Variants in PIK3R3 observed in about 807,000 individuals in gnomAD.
The protein encoded by PIK3R3 is phosphoinositide-3-kinase regulatory subunit 3.
Under a neutral mutation model 62.9 loss-of-function variants are expected in PIK3R3, and 64 were observed. That is an observed-to-expected ratio of 1.02 (90% CI 0.83 to 1.25). The LOEUF (loss-of-function observed/expected upper bound fraction) is 1.25. Ranked by LOEUF, PIK3R3 falls within the 50% of genes most tolerant of loss-of-function variation. The pLI, the probability that PIK3R3 is intolerant of heterozygous loss-of-function variation, is 0.00. For missense variants in PIK3R3, 614 were observed against 561.6 expected, an observed-to-expected ratio of 1.09 and a Z score of -0.94; for synonymous variants, 165 against 189.0, an observed-to-expected ratio of 0.87 and a Z score of 1.04.
chr1:46,059,816 T>C (rs1053873462), intron 6 of PIK3R3, among the ~76,000 whole-genome samples: 2 of 151,048 alleles, frequency 1.3e-5, no homozygotes, highest in Non-Finnish European at 3.0e-5. Flanking sequence ...AAATTAAAAA[T>C]AGGCTGGGCG....
At chr1:46,062,133 G>T in intron 5 of PIK3R3, 62 bp from the exon 6 acceptor site, 2 of 1,426,356 alleles carry the variant, frequency 1.4e-6, no homozygotes, top group Admixed American at 2.3e-5. Context: ...TTCTAACCTT[G>T]GTCTTAAACA....
At chr1:46,130,924 C>A (rs928942975) in intron 1 of PIK3R3, among the ~76,000 whole-genome samples, 6 of 152,120 alleles carry the variant, frequency 3.9e-5, no homozygotes, top group African/African-American at 1.4e-4. Flanking sequence ...GAAAAAAAAG[C>A]CAACTTTTCC....
intron 1 of PIK3R3, among the ~76,000 whole-genome samples, chr1:46,089,671 C>A (rs1230982810): frequency 6.7e-6 from 1 of 149,214 alleles, no homozygotes; most frequent in South Asian, 2.1e-4. Context: ...GCCGAGATCA[C>A]GCCACTGCAC....
In PIK3R3 at chr1:46,045,794, T is replaced by G. The variant is rs532728149; in HGVS notation, c.1187+124A>C. The G allele has an allele frequency of 2.0e-4, 160 of 804,002 alleles. 1 individual carries two copies. The South Asian group carries it at 2.4e-3, about 12-fold the overall frequency. The allele number at this position is 804,002 out of a possible 1,614,324, so 49.8% of individuals were successfully genotyped here. ...CTGGGTTTTTTTGTACTAATAGTTA[T>G]GGTCCGAGCCATGGGTCCTCGTTAC... On this transcript the variant is annotated intron_variant, in intron 9 of 9. Coordinates refer to ENST00000262741, the MANE Select transcript of PIK3R3 (RefSeq NM_003629.4).
chr1:46,118,554 C>CTT lies in PIK3R3; in HGVS notation c.106+13291_106+13292dup, dbSNP rs1291550266. Among the ~76,000 whole-genome samples, 50 of 132,200 alleles carry CTT rather than the reference C, an allele frequency of 3.8e-4. 1 individual carries two copies. The highest frequency in any genetic ancestry group is 5.3e-4 in the Admixed American group (7 of 13,126). 86.7% of individuals were successfully genotyped at this position (132,200 alleles called of 152,430 possible). ...CCCCACCACCCATACCATTACTTGTCTTTTTTTTTTTTTTTTTTTGAGATG... is the reference window on the plus strand; with the variant it reads ...CCCCACCACCCATACCATTACTTGTCTTTTTTTTTTTTTTTTTTTTTGAGATG... On this transcript the variant is annotated intron_variant, in intron 1 of 9. Coordinates refer to ENST00000262741, the MANE Select transcript of PIK3R3 (RefSeq NM_003629.4).
intron 3 of PIK3R3, among the ~76,000 whole-genome samples, chr1:46,067,524 G>A (rs1390716967): frequency 6.6e-6 from 1 of 151,826 alleles, no homozygotes; most frequent in African/African-American, 2.4e-5. Context: ...TCTCTGTGGG[G>A]GGAGCAGAAG....
At chr1:46,075,354 G>A (rs1649971015) in intron 3 of PIK3R3, among the ~76,000 whole-genome samples, 1 of 152,144 alleles carries the variant, frequency 6.6e-6, no homozygotes. Context: ...AGTGGCTCAC[G>A]CCTGTAATCC....
chr1:46,133,306 C>T (rs1423432973), upstream of PIK3R3, among the ~76,000 whole-genome samples: 2 of 152,222 alleles, frequency 1.3e-5, no homozygotes, highest in African/African-American at 2.4e-5. Context: ...TGGAGACAGG[C>T]GGGGCTCCTG....
rs1647882324 is a variant in PIK3R3 at position 46,056,095 on chromosome 1, G to GT, written c.765-125_765-124insA. 3 of 614,262 alleles carry GT rather than the reference G, an allele frequency of 4.9e-6. No homozygotes were observed. In the African/African-American group the frequency reaches 5.8e-5, roughly 12 times the overall value. 38.1% of individuals were successfully genotyped at this position (614,262 alleles called of 1,614,324 possible). A position where few individuals can be genotyped will look rare whatever the true frequency, so the allele number is the denominator to read the frequency against. ...AGATTGAGTCTCGCTCTGTCACCCA[G>GT]GCTGGAGTGTAGTGGCATGATCTCG... is the stretch of plus-strand genomic sequence containing the variant. On this transcript the variant is annotated intron_variant, in intron 6 of 9. Coordinates refer to ENST00000262741, the MANE Select transcript of PIK3R3 (RefSeq NM_003629.4).
the PIK3R3 span, among the ~76,000 whole-genome samples, chr1:46,155,283 T>C: frequency 6.6e-6 from 1 of 150,970 alleles, no homozygotes; most frequent in Admixed American, 6.6e-5. Flanking sequence ...ATCATCATAC[T>C]ATGCACTCCA....
intron 7 of PIK3R3, among the ~76,000 whole-genome samples, chr1:46,051,918 A>G (rs996574734): frequency 6.6e-6 from 1 of 152,134 alleles, no homozygotes; most frequent in Non-Finnish European, 1.5e-5. Context: ...CAGGCGGATC[A>G]CAAGGTCAGG....
At chr1:46,092,208 T>C (rs890803477) in intron 1 of PIK3R3, among the ~76,000 whole-genome samples, 1 of 152,208 alleles carries the variant, frequency 6.6e-6, no homozygotes, top group Non-Finnish European at 1.5e-5. Context: ...GAAGGCGCCT[T>C]AGCCCAACTC....
At chr1:46,171,603 G>A in the PIK3R3 span, among the ~76,000 whole-genome samples, 1 of 152,078 alleles carries the variant, frequency 6.6e-6, no homozygotes, top group South Asian at 2.1e-4. Flanking sequence ...TGACCTATTA[G>A]TGACAAGCGA....
the PIK3R3 span, among the ~76,000 whole-genome samples, chr1:46,162,001 A>C: frequency 6.6e-6 from 1 of 151,546 alleles, no homozygotes; most frequent in Admixed American, 6.6e-5. Flanking sequence ...CTGAGGCAGG[A>C]GAATGGTGTG....
chr1:46,159,789 G>A, the PIK3R3 span, among the ~76,000 whole-genome samples: 1 of 150,262 alleles, frequency 6.7e-6, no homozygotes, highest in Admixed American at 6.6e-5. Context: ...CACTTACCAG[G>A]GGCATTTGTT....
chr1:46,159,088 A>AAAATAAATAAAT, the PIK3R3 span, among the ~76,000 whole-genome samples: 20,518 of 148,254 alleles, frequency 0.14, 1,633 homozygotes, highest in South Asian at 0.29. Flanking sequence ...CTCCATCTCA[A>AAAATAAATAAAT]AAATAAATAA....
intron 1 of PIK3R3, among the ~76,000 whole-genome samples, chr1:46,101,222 G>A (rs1298913968): frequency 2.0e-5 from 3 of 150,944 alleles, no homozygotes; most frequent in East Asian, 2.0e-4. Flanking sequence ...TGCGCTGGGC[G>A]TGGTGGCTCA....
chr1:46,115,279 G>A lies in PIK3R3; in HGVS notation c.106+16568C>T, dbSNP rs531092498. 8.5e-5 allele frequency among the ~76,000 whole-genome samples: 13 copies of A among 152,264 alleles called. 1 individual carries two copies. The highest frequency in any genetic ancestry group is 8.3e-4 in the South Asian group (4 of 4,822). ...CTTTGGTCTTTTCAATTACATAAGC[G>A]TATGTAATTCAAATTCAAATTCCCT... is the stretch of plus-strand genomic sequence containing the variant. On this transcript the variant is annotated intron_variant, in intron 1 of 9. Transcript: ENST00000262741.
chr1:46,098,434 G>A (rs1327940028), intron 1 of PIK3R3, among the ~76,000 whole-genome samples: 3 of 152,202 alleles, frequency 2.0e-5, no homozygotes, highest in African/African-American at 7.2e-5. Flanking sequence ...ATAGCTAAAT[G>A]TGGAAACAAC....
Sources: allele counts gnomAD v4.1 joint callset (sites outside exome capture counted in the v4.1 genomes callset), GRCh38; gene constraint gnomAD v4.1.1; transcripts MANE v1.5; gene names NCBI Gene and HGNC (gene_info 2026-07-23, HGNC 2026-07-21).